The following RNF212B variants were observed in gnomAD, a reference collection of about 807,000 sequenced individuals.
RNF212B encodes the protein E3 ubiquitin-protein ligase RNF212B.
A neutral mutation model predicts 55.5 loss-of-function variants in RNF212B; 52 were observed. That is an observed-to-expected ratio of 0.94 (90% CI 0.75 to 1.18). RNF212B has a LOEUF of 1.18. Among genes scored for constraint, RNF212B ranks in the 50% most tolerant of loss-of-function variants. The pLI is 0.00. For missense variants in RNF212B, 289 were observed against 350.4 expected (o/e 0.82, Z 1.40); for synonymous variants, 99 against 121.4 (o/e 0.82, Z 1.21).
At chr14:23,224,206 C>T (rs178755) in intron 2 of RNF212B, among the ~76,000 whole-genome samples, 23,153 of 151,552 alleles carry the variant, frequency 0.15, 2,121 homozygotes, top group Middle Eastern at 0.24. Flanking sequence ...ATCAAAATAC[C>T]GATGACATTC....
At chr14:23,223,483 G>A (rs1050198298) in intron 2 of RNF212B, among the ~76,000 whole-genome samples, 8 of 151,904 alleles carry the variant, frequency 5.3e-5, no homozygotes, top group Admixed American at 4.6e-4. Context: ...AGCCTCCCGA[G>A]TAGCTGGACT....
At position 23,189,252 on chromosome 14, in the gene RNF212B, C is replaced by T. The variant is rs558630483; in HGVS notation, c.-79+3762C>T. 3.3e-5 allele frequency among the ~76,000 whole-genome samples: 5 copies of T among 152,292 alleles called. No individual in the cohort carries two copies. In the East Asian group the frequency reaches 9.6e-4, roughly 29 times the overall value. Reference sequence around the variant, plus strand: ...AATGGGAATAGGCAGAAGAGAACTTCCCCATGCTCCATTTACTAAATCTGT... The same window carrying T: ...AATGGGAATAGGCAGAAGAGAACTTTCCCATGCTCCATTTACTAAATCTGT... On this transcript the variant is annotated intron_variant, in intron 1 of 15. Transcript: ENST00000399910.
chr14:23,238,868 A>G (rs1883347501), intron 1 of RNF212B, among the ~76,000 whole-genome samples: 2 of 152,026 alleles, frequency 1.3e-5, no homozygotes, highest in Non-Finnish European at 2.9e-5. Flanking sequence ...TACAGGCTAT[A>G]TGATTACCAT....
At chr14:23,188,473 T>TG (rs1877812451) in intron 1 of RNF212B, among the ~76,000 whole-genome samples, 2 of 151,412 alleles carry the variant, frequency 1.3e-5, no homozygotes, top group South Asian at 4.2e-4. Context: ...TTTTTTTTTT[T>TG]TTTTAGAGAT....
chr14:23,240,907 C>T lies in RNF212B; in HGVS notation c.100+462C>T, dbSNP rs116237035. Reference sequence around the variant, plus strand: ...TCATATCAACCAATTTTATGTAAGCCTCACCACAAGCCCAGGTGGTAATTA... The same window carrying T: ...TCATATCAACCAATTTTATGTAAGCTTCACCACAAGCCCAGGTGGTAATTA... On this transcript the variant is annotated intron_variant, in intron 2 of 14. Transcript: ENST00000430154. Among the ~76,000 whole-genome samples, 1,102 of 152,244 alleles carry T rather than the reference C, an allele frequency of 7.2e-3. 14 individuals are homozygous for T. The highest frequency in any genetic ancestry group is 0.025 in the African/African-American group (1,030 of 41,540).
At chr14:23,251,586 C>T (rs12881746) in intron 4 of RNF212B, among the ~76,000 whole-genome samples, 35,468 of 152,052 alleles carry the variant, frequency 0.23, 4,441 homozygotes, top group African/African-American at 0.34. Context: ...GAGGCTGAGG[C>T]GGGCAGATCA....
intron 2 of RNF212B, among the ~76,000 whole-genome samples, chr14:23,194,094 G>T (rs920345316): frequency 6.6e-6 from 1 of 152,098 alleles, no homozygotes; most frequent in Non-Finnish European, 1.5e-5. Context: ...CACCCGCCTC[G>T]GCCTCCCAAA....
intron 4 of RNF212B, among the ~76,000 whole-genome samples, chr14:23,245,332 A>G (rs1179152304): frequency 6.6e-6 from 1 of 152,130 alleles, no homozygotes; most frequent in African/African-American, 2.4e-5. Flanking sequence ...GACATACACT[A>G]TATTTAACAT....
At chr14:23,216,757 G>T (rs1390516628) in intron 2 of RNF212B, among the ~76,000 whole-genome samples, 1 of 151,328 alleles carries the variant, frequency 6.6e-6, no homozygotes. Context: ...GCATGCATCT[G>T]TGGTCTCAGC....
intron 2 of RNF212B, among the ~76,000 whole-genome samples, chr14:23,227,998 A>C (rs1307714900): frequency 6.6e-6 from 1 of 152,150 alleles, no homozygotes; most frequent in African/African-American, 2.4e-5. Flanking sequence ...TGGGAGGCCG[A>C]GGCAGGTGGA....
At chr14:23,252,540 A>C (rs952333416) in intron 4 of RNF212B, among the ~76,000 whole-genome samples, 3 of 152,222 alleles carry the variant, frequency 2.0e-5, no homozygotes, top group Non-Finnish European at 2.9e-5. Context: ...AAAGGGGTTT[A>C]ATCATAAGAC....
upstream of RNF212B, among the ~76,000 whole-genome samples, chr14:23,233,415 A>AG (rs1882863526): frequency 6.6e-6 from 1 of 151,290 alleles, no homozygotes; most frequent in African/African-American, 2.4e-5. Flanking sequence ...AAAAAAAAAA[A>AG]AAAGAATATT....
Position 23,264,171 on chromosome 14 carries a change from C to T in RNF212B, c.525-3C>T. 1.3e-6 allele frequency: 2 copies of T among 1,547,380 alleles called. No homozygotes were observed. The highest frequency in any genetic ancestry group is 1.7e-6 in the Non-Finnish European group (2 of 1,144,542). Reference sequence around the variant, plus strand: ...TTTTTTCTTTTTGTTTCACCTTATACAGTCGGTCCTCCTCAGCGGAATCTA... The same window carrying T: ...TTTTTTCTTTTTGTTTCACCTTATATAGTCGGTCCTCCTCAGCGGAATCTA... On this transcript the variant is annotated splice_region_variant and splice_polypyrimidine_tract_variant and intron_variant, in intron 9 of 14. Coordinates refer to ENST00000430154, the MANE Select transcript of RNF212B (RefSeq NM_001282322.3).
At position 23,273,151 on chromosome 14, in the gene RNF212B, A is replaced by G; in HGVS notation, c.*260A>G. 1 of 296,456 alleles carries G rather than the reference A, an allele frequency of 3.4e-6. No individual in the cohort carries two copies. The highest frequency in any genetic ancestry group is 6.0e-5 in the East Asian group (1 of 16,640). The allele number at this position is 296,456 out of a possible 1,614,324, so 18.4% of individuals were successfully genotyped here. A position where few individuals can be genotyped will look rare whatever the true frequency, so the allele number is the denominator to read the frequency against. ...CTGGTAGCTCCCCTCATTTCCTACA[A>G]TTTGGAACAAAGGTCAAAAAAATAA... is the stretch of plus-strand genomic sequence containing the variant. On this transcript the variant is annotated 3_prime_UTR_variant, in exon 15 of 15. Coordinates refer to ENST00000430154, the MANE Select transcript of RNF212B (RefSeq NM_001282322.3).
chr14:23,232,045 A>G (rs566740981), intron 2 of RNF212B, among the ~76,000 whole-genome samples: 1 of 152,332 alleles, frequency 6.6e-6, no homozygotes, highest in South Asian at 2.1e-4. Context: ...CCGAGATTGC[A>G]GCCTCTGCCC....
chr14:23,226,409 T>C (rs1274649076), intron 2 of RNF212B, among the ~76,000 whole-genome samples: 2 of 150,522 alleles, frequency 1.3e-5, no homozygotes, highest in Non-Finnish European at 3.0e-5. Context: ...GGCGGGCGGA[T>C]CACCAGGTCA....
In RNF212B at chr14:23,210,776, C is replaced by CAAAAAAAAAAAAAAAA. The variant is rs1160221876; in HGVS notation, c.-2+17379_-2+17394dup. On this transcript the variant is annotated intron_variant, in intron 2 of 15. Coordinates refer to the RNF212B transcript ENST00000399910. ...CAGGTGACAGTGTGAGACTCTGTCT[C>CAAAAAAAAAAAAAAAA]AAAAAAAAAAAAAAAAAAAGAAATG... Among the ~76,000 whole-genome samples the CAAAAAAAAAAAAAAAA allele has an allele frequency of 2.0e-4, 12 of 60,840 alleles. 1 individual carries two copies. The highest frequency in any genetic ancestry group is 6.1e-4 in the African/African-American group (8 of 13,158). 39.9% of individuals were successfully genotyped at this position (60,840 alleles called of 152,430 possible).
chr14:23,262,576 C>T (rs1885372789), intron 7 of RNF212B, 89 bp from the exon 8 acceptor site: 1 of 1,122,012 alleles, frequency 8.9e-7, no homozygotes, highest in Non-Finnish European at 1.3e-6. Flanking sequence ...AGCTATTATT[C>T]TATAAACAAT....
intron 2 of RNF212B, among the ~76,000 whole-genome samples, chr14:23,218,416 A>G (rs1429777930): frequency 6.6e-6 from 1 of 151,680 alleles, no homozygotes; most frequent in Non-Finnish European, 1.5e-5. Context: ...TGCTGAAGAA[A>G]GCCTCTTAAA....
Sources: allele counts gnomAD v4.1 joint callset (sites outside exome capture counted in the v4.1 genomes callset), GRCh38; gene constraint gnomAD v4.1.1; transcripts MANE v1.5; gene names NCBI Gene and HGNC (gene_info 2026-07-23, HGNC 2026-07-21).